Variants in URB1 observed in about 807,000 individuals in gnomAD.
URB1 encodes the protein nucleolar pre-ribosomal-associated protein 1.
In URB1, 197 loss-of-function variants were observed where a neutral mutation model predicts 242.3. That is an observed-to-expected ratio of 0.81 (90% CI 0.72 to 0.91). URB1 has a LOEUF of 0.91. Among genes scored for constraint, URB1 ranks in the 40% least tolerant of loss-of-function variants. URB1 has a pLI of 0.00. For synonymous variants in URB1, 1,153 were observed against 1,201.8 expected, an observed-to-expected ratio of 0.96 and a Z score of 0.84; for missense variants, 2,721 against 2,860.5, an observed-to-expected ratio of 0.95 and a Z score of 1.11.
At chr21:32,326,498 T>C (rs187303472) in intron 30 of URB1, among the ~76,000 whole-genome samples, 1 of 152,160 alleles carries the variant, frequency 6.6e-6, no homozygotes, top group African/African-American at 2.4e-5. Context: ...GAAAAATGCA[T>C]TGGATGGTGA....
intron 38 of URB1, among the ~76,000 whole-genome samples, chr21:32,315,708 C>T (rs2032671872): frequency 6.6e-6 from 1 of 152,374 alleles, no homozygotes; most frequent in Non-Finnish European, 1.5e-5. Flanking sequence ...TTGAGAAGAA[C>T]TTCCCAGAAT....
At chr21:32,327,221 T>TA (rs1252038286) in intron 30 of URB1, among the ~76,000 whole-genome samples, 10 of 151,928 alleles carry the variant, frequency 6.6e-5, no homozygotes, top group Non-Finnish European at 1.3e-4. Context: ...ACCAGTGATT[T>TA]AAAAAAAATC....
At chr21:32,375,957 C>CA (rs1160837408) in intron 5 of URB1, among the ~76,000 whole-genome samples, 3 of 151,084 alleles carry the variant, frequency 2.0e-5, no homozygotes, top group South Asian at 4.2e-4. Context: ...ACGCTGTCTC[C>CA]AAAAAAACAA....
chr21:32,392,623 C>G, intron 1 of URB1, 146 bp downstream of exon 1: 1 of 1,147,822 alleles, frequency 8.7e-7, no homozygotes, highest in Non-Finnish European at 1.1e-6. Context: ...ACACAGCAGT[C>G]CTGAACCTCA....
chr21:32,371,022 G>C (rs777602469), intron 8 of URB1, among the ~76,000 whole-genome samples: 7 of 152,182 alleles, frequency 4.6e-5, no homozygotes, highest in Non-Finnish European at 1.0e-4. Flanking sequence ...GCAAATAAAT[G>C]TATGAACAGT....
At position 32,313,816 on chromosome 21, in the gene URB1, A is replaced by C. The variant is rs545733597; in HGVS notation, c.*1102T>G. 6.6e-6 allele frequency: 1 copy of C among 152,302 alleles called. No individual in the cohort carries two copies. The highest frequency in any genetic ancestry group is 6.5e-5 in the Admixed American group (1 of 15,298). The allele number at this position is 152,302 out of a possible 1,614,324, so 9.4% of individuals were successfully genotyped here. Reference sequence around the variant, plus strand: ...GAAATTTTAACTGTGAAAACCACGAAATTTCATGACTTTTGTCAGCTACAA... The same window carrying C: ...GAAATTTTAACTGTGAAAACCACGACATTTCATGACTTTTGTCAGCTACAA... On this transcript the variant is annotated 3_prime_UTR_variant, in exon 39 of 39. Transcript: ENST00000382751.
intron 11 of URB1, 138 bp from the exon 12 acceptor site, chr21:32,362,159 GAGTGGTGAGAA>G: frequency 8.7e-7 from 1 of 1,155,894 alleles, no homozygotes; most frequent in Non-Finnish European, 1.2e-6. Context: ...GGAGAGGGAA[GAGTGGTGAGAA>G]AACAGGCCCA....
Position 32,375,378 on chromosome 21 carries a change from GCGGATCA to G in URB1, c.750+13_750+19del, listed in dbSNP as rs1170417867. The stretch of plus-strand genomic sequence containing the variant: ...CCAAGGGAAAACAGACAACAGAAAC[GCGGATCA>G]CCAAGCACATACCTTTGTTTTCAGT... On this transcript the variant is annotated intron_variant, in intron 6 of 38. Transcript: ENST00000382751. 6.9e-7 allele frequency: 1 copy of G among 1,440,464 alleles called. No homozygotes were observed. The highest frequency in any genetic ancestry group is 9.3e-7 in the Non-Finnish European group (1 of 1,071,106). 89.2% of individuals were successfully genotyped at this position (1,440,464 alleles called of 1,614,324 possible). A position where few individuals can be genotyped will look rare whatever the true frequency, so the allele number is the denominator to read the frequency against.
intron 15 of URB1, among the ~76,000 whole-genome samples, chr21:32,356,378 C>T (rs575937806): frequency 1.3e-5 from 2 of 152,214 alleles, no homozygotes; most frequent in African/African-American, 2.4e-5. Context: ...GATGACAGAG[C>T]GAGAGCCTGT....
chr21:32,360,737 A>G (rs1417162955), intron 13 of URB1, among the ~76,000 whole-genome samples: 9 of 152,180 alleles, frequency 5.9e-5, no homozygotes. Context: ...ACGTCACATG[A>G]TCGGATTTGT....
intron 5 of URB1, among the ~76,000 whole-genome samples, chr21:32,376,107 CT>C (rs1441998449): frequency 6.6e-6 from 1 of 152,146 alleles, no homozygotes; most frequent in Non-Finnish European, 1.5e-5. Context: ...TAACTAAATA[CT>C]ATTTGAAAGA....
At chr21:32,346,265 C>A (rs9978122) in intron 22 of URB1, among the ~76,000 whole-genome samples, 3 of 152,302 alleles carry the variant, frequency 2.0e-5, no homozygotes, top group East Asian at 3.9e-4. Context: ...TCCTGTACAG[C>A]CTGCAGACGC....
intron 9 of URB1, 24 bp downstream of exon 9, chr21:32,368,379 C>T: frequency 6.6e-7 from 1 of 1,514,272 alleles, no homozygotes; most frequent in African/African-American, 1.4e-5. Flanking sequence ...AGCTAACAGA[C>T]TTTTAAATAT....
At chr21:32,317,373 C>T (rs2032704482) in intron 37 of URB1, among the ~76,000 whole-genome samples, 1 of 152,244 alleles carries the variant, frequency 6.6e-6, no homozygotes, top group Admixed American at 6.5e-5. Flanking sequence ...TTTTCCTTAA[C>T]CCTGCACTAC....
chr21:32,351,285 C>T (rs888387695), intron 19 of URB1, among the ~76,000 whole-genome samples: 7 of 152,166 alleles, frequency 4.6e-5, no homozygotes, highest in African/African-American at 1.4e-4. Flanking sequence ...CAGAGAAGCC[C>T]GCTCTGCGAG....
chr21:32,357,884 CCAGT>C (rs1269547181), intron 14 of URB1, among the ~76,000 whole-genome samples: 1 of 152,094 alleles, frequency 6.6e-6, no homozygotes, highest in Non-Finnish European at 1.5e-5. Context: ...CAAAAATTAG[CCAGT>C]CATAGTGGTG....
chr21:32,356,726 G>C (rs1423407992), intron 15 of URB1, among the ~76,000 whole-genome samples: 1 of 152,208 alleles, frequency 6.6e-6, no homozygotes, highest in East Asian at 1.9e-4. Context: ...TGGTCTGAAA[G>C]CAGAAACTCA....
At chr21:32,328,339 T>C (rs1292108433) in intron 30 of URB1, among the ~76,000 whole-genome samples, 2 of 152,186 alleles carry the variant, frequency 1.3e-5, no homozygotes, top group Non-Finnish European at 2.9e-5. Flanking sequence ...GGTTTCACCA[T>C]GTTGGCCAGG....
At position 32,334,249 on chromosome 21, in the gene URB1, C is replaced by A. The variant is rs771478306; in HGVS notation, c.4771G>T (p.Gly1591Trp). ...CGGTCCAGCAGGCGAAGGATGTCCC[C>A]GACACTCGGCTGCTGCCACAGTGAC... ...GRSLWQQPSV[G>W]DILRLLDRDR... is the part of the protein sequence containing the mutation. Residue 1591 changes from glycine to tryptophan, a missense_variant, in exon 29 of 39, where the codon GGG (glycine) becomes TGG (tryptophan). Gly to Trp is a radical substitution (Grantham distance 184, BLOSUM62 -2). Transcript: ENST00000382751. 3 of 1,551,352 alleles carry A rather than the reference C, an allele frequency of 1.9e-6. No homozygotes were observed. The African/African-American group carries it at 4.1e-5, about 21-fold the overall frequency.
Sources: gnomAD v4.1 joint callset for allele counts (sites outside exome capture counted in the v4.1 genomes callset) on GRCh38, gnomAD v4.1.1 for gene constraint, MANE v1.5 for transcripts, NCBI Gene and HGNC (gene_info 2026-07-23, HGNC 2026-07-21) for gene names.